Variants in CSMD3 observed in about 807,000 individuals in gnomAD.
The protein encoded by CSMD3 is CUB and Sushi multiple domains 3, also known as CUB and sushi domain-containing protein 3.
Under a neutral mutation model 435.2 loss-of-function variants are expected in CSMD3, and 177 were observed. The observed-to-expected ratio is 0.41, with a 90% CI of 0.36 to 0.46. The LOEUF is 0.46. CSMD3 is among the 20% of genes least tolerant of loss of function. The pLI, the probability that CSMD3 is intolerant of heterozygous loss-of-function variation, is 0.34. For missense variants in CSMD3, 4,265 were observed against 4,504.6 expected, an observed-to-expected ratio of 0.95 and a Z score of 1.52; for synonymous variants, 1,656 against 1,520.5, an observed-to-expected ratio of 1.09 and a Z score of -2.07.
At chr8:112,956,064 T>A (rs1385488411) in intron 7 of CSMD3, among the ~76,000 whole-genome samples, 1 of 151,908 alleles carries the variant, frequency 6.6e-6, no homozygotes, top group African/African-American at 2.4e-5. Flanking sequence ...GCATATATTT[T>A]AAAAAAAGAG....
rs201218175 is a variant in CSMD3, at chr8:112,863,955, T to G, written c.1634-4689A>C. On this transcript the variant is annotated intron_variant, in intron 10 of 70. Coordinates refer to ENST00000297405, the MANE Select transcript of CSMD3 (RefSeq NM_198123.2). ...AATTAAATATGACAACTTTGGTCATTAAAGATTAGAACAAAATGTGGATCC... is the reference window on the plus strand; with the variant it reads ...AATTAAATATGACAACTTTGGTCATGAAAGATTAGAACAAAATGTGGATCC... 1.8e-4 allele frequency among the ~76,000 whole-genome samples: 27 copies of G among 152,196 alleles called. No individual in the cohort carries two copies. In the East Asian group the frequency reaches 4.6e-3, roughly 26 times the overall value.
chr8:112,456,115 G>GA (rs1217681606), intron 32 of CSMD3, among the ~76,000 whole-genome samples: 3 of 151,558 alleles, frequency 2.0e-5, no homozygotes, highest in Admixed American at 6.6e-5. Context: ...TTGGAAGCCG[G>GA]AAAAAAAATG....
chr8:113,411,340 T>G (rs1362919521), intron 1 of CSMD3, among the ~76,000 whole-genome samples: 1 of 152,164 alleles, frequency 6.6e-6, no homozygotes, highest in East Asian at 1.9e-4. Flanking sequence ...AACTCTTAAG[T>G]TAGGACTTCA....
intron 24 of CSMD3, among the ~76,000 whole-genome samples, chr8:112,567,208 C>CT (rs371003543): frequency 6.6e-6 from 1 of 152,272 alleles, no homozygotes; most frequent in Non-Finnish European, 1.5e-5. Flanking sequence ...TTGCTACTCC[C>CT]TCTGCCTAGA....
chr8:112,240,615 A>C (rs1030415899), intron 66 of CSMD3, among the ~76,000 whole-genome samples: 1 of 152,090 alleles, frequency 6.6e-6, no homozygotes, highest in Non-Finnish European at 1.5e-5. Context: ...TCTGTTTCCA[A>C]GGTGAAGATC....
intron 4 of CSMD3, among the ~76,000 whole-genome samples, chr8:113,119,086 G>C (rs2090916076): frequency 6.6e-6 from 1 of 152,146 alleles, no homozygotes; most frequent in Admixed American, 6.6e-5. Context: ...GAGTTCTACA[G>C]AGCTGGGTTG....
intron 2 of CSMD3, among the ~76,000 whole-genome samples, chr8:113,305,622 T>G (rs939989878): frequency 6.6e-6 from 1 of 152,256 alleles, no homozygotes; most frequent in Non-Finnish European, 1.5e-5. Context: ...TCATTTCTTT[T>G]TGGCAAAATG....
intron 36 of CSMD3, among the ~76,000 whole-genome samples, chr8:112,386,862 G>C (rs1830020956): frequency 6.6e-6 from 1 of 152,136 alleles, no homozygotes; most frequent in East Asian, 1.9e-4. Context: ...GTTAGATATA[G>C]TTGTCCATCA....
intron 9 of CSMD3, among the ~76,000 whole-genome samples, chr8:112,926,786 TA>T (rs946200454): frequency 4.0e-5 from 6 of 150,564 alleles, no homozygotes; most frequent in African/African-American, 9.7e-5. Context: ...GAAGAGGATC[TA>T]AAAAAAAAGC....
In CSMD3 at chr8:112,265,553, T is replaced by G. The variant is rs747412743; in HGVS notation, c.9546A>C (p.Gly3182=). The G allele has an allele frequency of 6.2e-7, 1 of 1,613,560 alleles. No homozygotes were observed. Among genetic ancestry groups the G allele is most frequent in the South Asian group, 1.1e-5 (1 of 91,080 alleles). ...CCACATAATCATCTCCATATCTCAG[T>G]CCATTGGCTGGTATACCTGGGTCTC... The part of the protein sequence containing the change: ...SCGDPGIPAN[G]LRYGDDYVVG... The change falls in exon 60 of 71, where the codon GGA becomes GGC. Residue 3182 remains glycine, a synonymous_variant. Coordinates refer to ENST00000297405, the MANE Select transcript of CSMD3 (RefSeq NM_198123.2).
intron 63 of CSMD3, 69 bp from the exon 64 acceptor site, chr8:112,247,200 G>A: frequency 1.1e-6 from 1 of 928,232 alleles, no homozygotes; most frequent in Admixed American, 1.9e-5. Flanking sequence ...AACAGAGCTT[G>A]AGTGAGAAAA....
intron 6 of CSMD3, among the ~76,000 whole-genome samples, chr8:112,997,630 T>C (rs553997711): frequency 1.3e-5 from 2 of 151,750 alleles, no homozygotes; most frequent in East Asian, 1.9e-4. Flanking sequence ...TTTGTATCAG[T>C]TGACATTTTC....
At chr8:112,829,593 T>A in intron 12 of CSMD3, 93 bp downstream of exon 12, 1 of 747,900 alleles carries the variant, frequency 1.3e-6, no homozygotes, top group South Asian at 1.4e-5. Flanking sequence ...CTGCTGGTAG[T>A]AGTGGGAGCG....
chr8:113,378,745 TTTGA>T (rs1244649639), intron 1 of CSMD3, among the ~76,000 whole-genome samples: 1 of 138,332 alleles, frequency 7.2e-6, no homozygotes, highest in African/African-American at 2.8e-5. Flanking sequence ...TGAAAACAAT[TTTGA>T]TTGTCACACT....
chr8:112,765,062 G>T (rs1587222084), intron 13 of CSMD3, among the ~76,000 whole-genome samples: 1 of 151,622 alleles, frequency 6.6e-6, no homozygotes, highest in Admixed American at 6.6e-5. Flanking sequence ...AGCGTCATAA[G>T]ATCTGATCAT....
intron 4 of CSMD3, among the ~76,000 whole-genome samples, chr8:113,142,080 T>A (rs1256527716): frequency 1.3e-5 from 2 of 151,170 alleles, no homozygotes; most frequent in Non-Finnish European, 3.0e-5. Context: ...GTACAGGAAC[T>A]GTATCCCCCA....
intron 45 of CSMD3, among the ~76,000 whole-genome samples, chr8:112,324,939 C>T (rs1823352631): frequency 6.6e-6 from 1 of 151,906 alleles, no homozygotes; most frequent in African/African-American, 2.4e-5. Context: ...TCTTAGTGTC[C>T]CCAAATGACT....
intron 13 of CSMD3, among the ~76,000 whole-genome samples, chr8:112,779,182 CGTGTGT>C (rs3047099): frequency 6.7e-6 from 1 of 149,150 alleles, no homozygotes; most frequent in Non-Finnish European, 1.5e-5. Flanking sequence ...TGTGTGTTTG[CGTGTGT>C]GTGTGTGTGT....
chr8:112,734,433 G>T (rs1019731015), intron 13 of CSMD3, among the ~76,000 whole-genome samples: 5 of 151,918 alleles, frequency 3.3e-5, no homozygotes, highest in African/African-American at 7.2e-5. Context: ...AAAATTTTAA[G>T]TGTTGGGAGA....
Sources: allele counts gnomAD v4.1 joint callset (sites outside exome capture counted in the v4.1 genomes callset), GRCh38; gene constraint gnomAD v4.1.1; transcripts MANE v1.5; gene names NCBI Gene and HGNC (gene_info 2026-07-23, HGNC 2026-07-21).